The following PHLDB1 variants were observed in gnomAD, a reference collection of about 807,000 sequenced individuals.
PHLDB1 encodes pleckstrin homology-like domain family B member 1.
A neutral mutation model predicts 139.3 loss-of-function variants in PHLDB1; 65 were observed. That is an observed-to-expected ratio of 0.47 (90% CI 0.38 to 0.57). The LOEUF (loss-of-function observed/expected upper bound fraction) is 0.57. Among genes scored for constraint, PHLDB1 ranks in the 20% least tolerant of loss-of-function variants. PHLDB1 has a pLI of 0.00. For synonymous variants in PHLDB1, 679 were observed against 734.5 expected, an observed-to-expected ratio of 0.92 and a Z score of 1.22; for missense variants, 1,624 against 1,839.7, an observed-to-expected ratio of 0.88 and a Z score of 2.14.
intron 6 of PHLDB1, chr11:118,630,145 A>G: frequency 1.0e-6 from 1 of 996,650 alleles, no homozygotes; most frequent in Non-Finnish European, 1.4e-6. Context: ...GTTCATGGCC[A>G]AACTGTAAGT....
Position 118,610,928 on chromosome 11 carries a change from G to T in PHLDB1, c.-21-2888G>T, listed in dbSNP as rs1293476840. ...CTGGGCCTCCGCCACTCGGCTGCCG[G>T]GGCGGCACTGGGGCGTCTGTACCCA... On this transcript the variant is annotated intron_variant, in intron 1 of 22. Transcript: ENST00000600882. This position sits in a 1 kb window ranked among gnomAD's most constrained non-coding sequence, Gnocchi z 8.7. Among the ~76,000 whole-genome samples, 1 of 152,230 alleles carries T rather than the reference G, an allele frequency of 6.6e-6. No homozygotes were observed. The highest frequency in any genetic ancestry group is 1.5e-5 in the Non-Finnish European group (1 of 68,028).
chr11:118,630,186 C>T, intron 6 of PHLDB1: 1 of 646,550 alleles, frequency 1.5e-6, no homozygotes, highest in Non-Finnish European at 2.4e-6. Flanking sequence ...GTCTAGGGAC[C>T]CTAGAGAGCC....
chr11:118,639,856 T>C (rs1946240727), intron 12 of PHLDB1: 1 of 985,246 alleles, frequency 1.0e-6, no homozygotes, highest in Non-Finnish European at 1.2e-6. Flanking sequence ...GTCCCCTCTC[T>C]GTAGGCCGAG....
intron 17 of PHLDB1, chr11:118,646,365 T>A (rs1359563494): frequency 6.7e-6 from 1 of 150,152 alleles, no homozygotes; most frequent in Non-Finnish European, 1.5e-5. Context: ...GAAGGCAGCA[T>A]AGTAACCATT....
chr11:118,626,151 C>T (rs1555101012), intron 5 of PHLDB1, among the ~76,000 whole-genome samples: 1 of 152,150 alleles, frequency 6.6e-6, no homozygotes, highest in African/African-American at 2.4e-5. Flanking sequence ...TTCCAGGAAC[C>T]AGCCATTAGC....
At chr11:118,634,650 ACCTTCAGCT>A (rs1945316058) in intron 9 of PHLDB1, 2 of 201,462 alleles carry the variant, frequency 9.9e-6, no homozygotes. Flanking sequence ...CTGCCGTGTT[ACCTTCAGCT>A]CCTGGCCTTG....
At position 118,642,345 on chromosome 11, in the gene PHLDB1, C is replaced by G. The variant is rs1366329231; in HGVS notation, c.2828C>G (p.Pro943Arg). The change falls in exon 13 of 23, where the codon CCT becomes CGT. Residue 943 changes from proline (P) to arginine (R), a missense_variant. Pro to Arg is a moderately radical substitution (Grantham distance 103, BLOSUM62 -2). Coordinates refer to ENST00000600882, the MANE Select transcript of PHLDB1 (RefSeq NM_001144758.3). ...GLGTGPAAAS[P>R]HSSPPPLPAK... ...GGGACTGGCCCCGCTGCAGCCTCCC[C>G]TCACTCTTCTCCCCCGCCTCTGCCC... 1.7e-5 allele frequency: 27 copies of G among 1,611,480 alleles called. No individual in the cohort carries two copies. The highest frequency in any genetic ancestry group is 2.3e-5 in the Non-Finnish European group (27 of 1,179,958).
Position 118,626,339 on chromosome 11 carries a change from G to A in PHLDB1, c.482-966G>A, listed in dbSNP as rs868913144. Among the ~76,000 whole-genome samples, 23 of 151,964 alleles carry A rather than the reference G, an allele frequency of 1.5e-4. 1 individual carries two copies. The highest frequency in any genetic ancestry group is 3.4e-3 in the Middle Eastern group (1 of 294). On this transcript the variant is annotated intron_variant, in intron 5 of 22. Coordinates refer to ENST00000600882, the MANE Select transcript of PHLDB1 (RefSeq NM_001144758.3). ...GCCCCTGGAACTTCTGGCCAGCTCT[G>A]CAGCAGGCGCCCATCTTCTTTGTAT...
chr11:118,642,936 C>T (rs1219299226), intron 13 of PHLDB1, among the ~76,000 whole-genome samples: 1 of 152,266 alleles, frequency 6.6e-6, no homozygotes, highest in Non-Finnish European at 1.5e-5. Context: ...CCTGAACCTG[C>T]AGCAAGCAAC....
chr11:118,626,779 G>A (rs1943955025), intron 5 of PHLDB1, among the ~76,000 whole-genome samples: 1 of 151,502 alleles, frequency 6.6e-6, no homozygotes, highest in Non-Finnish European at 1.5e-5. Flanking sequence ...TCAGCCTCCT[G>A]AGTAGTTGGG....
chr11:118,648,079 G>A lies in PHLDB1; in HGVS notation c.3654+3G>A. ...TGCGGGAGAAACAATTTTCCCAGGTGAATGGGCAGTGGGGCACAGTGGTGG... is the reference window on the plus strand; with the variant it reads ...TGCGGGAGAAACAATTTTCCCAGGTAAATGGGCAGTGGGGCACAGTGGTGG... On this transcript the variant is annotated splice_donor_region_variant and intron_variant, in intron 18 of 22. Transcript: ENST00000600882. 1 of 1,613,224 alleles carries A rather than the reference G, an allele frequency of 6.2e-7. No individual in the cohort carries two copies. The highest frequency in any genetic ancestry group is 8.5e-7 in the Non-Finnish European group (1 of 1,179,506).
intron 22 of PHLDB1, among the ~76,000 whole-genome samples, chr11:118,656,139 G>A (rs754965016): frequency 1.8e-4 from 28 of 152,118 alleles, no homozygotes; most frequent in Non-Finnish European, 3.5e-4. Context: ...GCCGGAAGGG[G>A]TGGAGGGGAC....
At chr11:118,630,032 T>C in intron 6 of PHLDB1, 1 of 1,045,462 alleles carries the variant, frequency 9.6e-7, no homozygotes, top group Non-Finnish European at 1.3e-6. Context: ...GTTCCGGTTT[T>C]TTTTTTTTTT....
chr11:118,630,194 G>T (rs1394071095), intron 6 of PHLDB1: 2 of 572,170 alleles, frequency 3.5e-6, no homozygotes, highest in Non-Finnish European at 5.7e-6. Flanking sequence ...ACCCTAGAGA[G>T]CCATGGAAGC....
At chr11:118,651,533 A>G in intron 20 of PHLDB1, 1 of 152,052 alleles carries the variant, frequency 6.6e-6, no homozygotes, top group East Asian at 1.9e-4. Context: ...CATGCCTGTA[A>G]TCCCAGCACT....
Position 118,632,448 on chromosome 11 carries a change from C to T in PHLDB1, c.2379+152C>T, listed in dbSNP as rs2136273505. On this transcript the variant is annotated intron_variant, in intron 9 of 22. Transcript: ENST00000600882. The surrounding 1 kb of genome is among the most constrained non-coding windows in gnomAD (Gnocchi z 5.9). ...CTTTCCAGAGACAGAGTGACTTCTCCTCCTCTGTGGAAGGAACCAGCTTGG... is the reference window on the plus strand; with the variant it reads ...CTTTCCAGAGACAGAGTGACTTCTCTTCCTCTGTGGAAGGAACCAGCTTGG... 1 of 812,688 alleles carries T rather than the reference C, an allele frequency of 1.2e-6. No homozygotes were observed. The highest frequency in any genetic ancestry group is 2.0e-6 in the Non-Finnish European group (1 of 507,810). The allele number at this position is 812,688 out of a possible 1,614,324, so 50.3% of individuals were successfully genotyped here.
rs1944162076 is a variant in PHLDB1 at position 118,628,015 on chromosome 11, C to T, written c.1192C>T (p.Leu398Phe). 6.2e-7 allele frequency: 1 copy of T among 1,613,900 alleles called. No individual in the cohort carries two copies. The highest frequency in any genetic ancestry group is 2.2e-5 in the East Asian group (1 of 44,870). ...TGCTCCCCGAAACAAGATTGGCACA[C>T]TCCAGGACCGCCCTCCCAGCCCTTT... is the stretch of plus-strand genomic sequence containing the variant. ...VPAPRNKIGT[L>F]QDRPPSPFRE... Residue 398 changes from leucine (L) to phenylalanine (F), a missense_variant, in exon 6 of 23, where the codon CTC becomes TTC. Coordinates refer to ENST00000600882, the MANE Select transcript of PHLDB1 (RefSeq NM_001144758.3).
intron 20 of PHLDB1, chr11:118,653,801 T>C (rs1319541435): frequency 1.3e-5 from 2 of 152,250 alleles, no homozygotes; most frequent in Admixed American, 6.5e-5. Context: ...AGATTCAGCA[T>C]AAGTTCTATA....
intron 3 of PHLDB1, chr11:118,615,487 C>T (rs1591464658): frequency 6.5e-6 from 1 of 153,366 alleles, no homozygotes; most frequent in East Asian, 1.9e-4. Context: ...ACTACATTCT[C>T]CACATTCTCC....
Sources: allele counts gnomAD v4.1 joint callset (sites outside exome capture counted in the v4.1 genomes callset), GRCh38; gene constraint gnomAD v4.1.1; non-coding constraint Gnocchi (gnomAD v3.1); transcripts MANE v1.5; gene names NCBI Gene and HGNC (gene_info 2026-07-23, HGNC 2026-07-21).